Variants in CLIP3 observed in about 807,000 individuals in gnomAD.
CLIP3 encodes CAP-Gly domain-containing linker protein 3.
A neutral mutation model predicts 59.4 loss-of-function variants in CLIP3; 15 were observed. That is an observed-to-expected ratio of 0.25 (90% CI 0.17 to 0.39). The LOEUF (loss-of-function observed/expected upper bound fraction) is 0.39, where lower values mean the gene tolerates loss of function less well. CLIP3 is among the 10% of genes least tolerant of loss of function. The pLI is 1.00. For synonymous variants in CLIP3, 300 were observed against 321.6 expected, an observed-to-expected ratio of 0.93 and a Z score of 0.72; for missense variants, 495 against 765.7, an observed-to-expected ratio of 0.65 and a Z score of 4.17.
chr19:36,016,062 G>A lies in CLIP3; in HGVS notation c.*96C>T. 2 of 1,322,512 alleles carry A rather than the reference G, an allele frequency of 1.5e-6. No individual in the cohort carries two copies. Among genetic ancestry groups the A allele is most frequent in the South Asian group, 1.2e-5 (1 of 82,256 alleles). 81.9% of individuals were successfully genotyped at this position (1,322,512 alleles called of 1,614,324 possible). The stretch of plus-strand genomic sequence containing the variant: ...TAACAGGGGTCTCTACTCTGGATGT[G>A]TTACTGGGAATCTCTATCTCAGGGT... On this transcript the variant is annotated 3_prime_UTR_variant, in exon 14 of 14. Coordinates refer to ENST00000360535, the MANE Select transcript of CLIP3 (RefSeq NM_015526.3). The surrounding 1 kb of genome is among the most constrained non-coding windows in gnomAD (Gnocchi z 4.1).
At chr19:36,022,850 T>G (rs1363215176) in intron 7 of CLIP3, among the ~76,000 whole-genome samples, 1 of 151,802 alleles carries the variant, frequency 6.6e-6, no homozygotes, top group Non-Finnish European at 1.5e-5. Context: ...GGTCAGGAGA[T>G]CAAGACCATC....
At chr19:36,029,371 T>C (rs1373597625) in intron 2 of CLIP3, among the ~76,000 whole-genome samples, 1 of 151,246 alleles carries the variant, frequency 6.6e-6, no homozygotes, top group African/African-American at 2.4e-5. Flanking sequence ...ACTACAGCCT[T>C]GAACTCCTGG....
chr19:36,026,444 T>C lies in CLIP3; in HGVS notation c.562+142A>G, dbSNP rs922794469. Reference sequence around the variant, plus strand: ...CGACCCTCCCTAGAGTGGTAGTCCCTGAGCCCCCTCTCCCACGCCTCCAAC... The same window carrying C: ...CGACCCTCCCTAGAGTGGTAGTCCCCGAGCCCCCTCTCCCACGCCTCCAAC... On this transcript the variant is annotated intron_variant, in intron 5 of 13. Transcript: ENST00000360535. The surrounding 1 kb of genome is among the most constrained non-coding windows in gnomAD (Gnocchi z 6.3). The C allele has an allele frequency of 4.0e-5, 47 of 1,164,872 alleles. No individual in the cohort carries two copies. Among genetic ancestry groups the C allele is most frequent in the East Asian group, 2.7e-5 (1 of 37,274 alleles). The allele number at this position is 1,164,872 out of a possible 1,614,324, so 72.2% of individuals were successfully genotyped here. A position where few individuals can be genotyped will look rare whatever the true frequency, so the allele number is the denominator to read the frequency against.
chr19:36,030,645 T>C (rs560782085), intron 2 of CLIP3, among the ~76,000 whole-genome samples: 16 of 152,282 alleles, frequency 1.1e-4, no homozygotes, highest in Admixed American at 1.0e-3. Flanking sequence ...CACCCTCCCC[T>C]TGCCACTCTT....
chr19:36,019,614 T>A (rs558463796), intron 7 of CLIP3, among the ~76,000 whole-genome samples: 192 of 150,958 alleles, frequency 1.3e-3, no homozygotes, highest in African/African-American at 4.4e-3. Flanking sequence ...TTTATTTTTT[T>A]TTTTTTCGAG....
In CLIP3 at chr19:36,030,697, A is replaced by G. The variant is rs1231883137; in HGVS notation, c.166+1495T>C. Among the ~76,000 whole-genome samples, 3 of 152,324 alleles carry G rather than the reference A, an allele frequency of 2.0e-5. No homozygotes were observed. The East Asian group carries it at 5.8e-4, about 29-fold the overall frequency. On this transcript the variant is annotated intron_variant, in intron 2 of 13. Transcript: ENST00000360535. Reference sequence around the variant, plus strand: ...AGAATATAACCAAAGTCCTCACTGTAGCCTTGAAGGCCCTTCCAGATCTGG... The same window carrying G: ...AGAATATAACCAAAGTCCTCACTGTGGCCTTGAAGGCCCTTCCAGATCTGG...
intron 9 of CLIP3, among the ~76,000 whole-genome samples, chr19:36,018,406 C>G (rs1968858416): frequency 6.6e-6 from 1 of 152,050 alleles, no homozygotes; most frequent in African/African-American, 2.4e-5. Context: ...TGGCAAAACC[C>G]TGTCTCTACA....
chr19:36,017,538 G>A, intron 11 of CLIP3, 88 bp from the exon 12 acceptor site: 1 of 1,598,852 alleles, frequency 6.3e-7, no homozygotes, highest in African/African-American at 1.3e-5. Context: ...TATGAGGAAA[G>A]GGCTGGGGGC....
chr19:36,028,968 C>T (rs1414443374), intron 2 of CLIP3, among the ~76,000 whole-genome samples: 2 of 147,662 alleles, frequency 1.4e-5, no homozygotes, highest in East Asian at 2.0e-4. Flanking sequence ...CTGTCTAAAT[C>T]GGCACCCGCC....
chr19:36,018,572 ACT>A (rs908166421), intron 9 of CLIP3, among the ~76,000 whole-genome samples: 4 of 144,516 alleles, frequency 2.8e-5, no homozygotes, highest in African/African-American at 1.0e-4. Context: ...ACAAGGCGAG[ACT>A]CTTGACTCAA....
chr19:36,018,866 G>A (rs1418869092), intron 9 of CLIP3, 32 bp downstream of exon 9: 1 of 1,602,810 alleles, frequency 6.2e-7, no homozygotes, highest in Non-Finnish European at 8.5e-7. Context: ...CCCCAAACTG[G>A]CTCTTCCCAC....
In CLIP3 at chr19:36,017,836, C is replaced by A. The variant is rs1339519912; in HGVS notation, c.1327+12G>T. On this transcript the variant is annotated intron_variant, in intron 10 of 13. Transcript: ENST00000360535. Reference sequence around the variant, plus strand: ...CCCTGCCTGCCTCCCGGCCCAGAGTCCCCATCCTCACCTGGGGCAAAGTCT... The same window carrying A: ...CCCTGCCTGCCTCCCGGCCCAGAGTACCCATCCTCACCTGGGGCAAAGTCT... The A allele has an allele frequency of 6.2e-7, 1 of 1,614,044 alleles. No homozygotes were observed. Among genetic ancestry groups the A allele is most frequent in the African/African-American group, 1.3e-5 (1 of 74,898 alleles).
chr19:36,026,409 T>A lies in CLIP3; in HGVS notation c.563-144A>T, dbSNP rs1313065422. 1.6e-5 allele frequency: 12 copies of A among 765,232 alleles called. No individual in the cohort carries two copies. Among genetic ancestry groups the A allele is most frequent in the Non-Finnish European group, 1.9e-6 (1 of 519,810 alleles). 47.4% of individuals were successfully genotyped at this position (765,232 alleles called of 1,614,324 possible). ...CCCCACCTCGGAGCCCCCCTCTCCC[T>A]TGGCAGCCCCGACCCTCCCTAGAGT... On this transcript the variant is annotated intron_variant, in intron 5 of 13. Transcript: ENST00000360535. The surrounding 1 kb of genome is among the most constrained non-coding windows in gnomAD (Gnocchi z 6.3).
At chr19:36,031,004 TTTTC>T (rs1303857149) in intron 2 of CLIP3, among the ~76,000 whole-genome samples, 45 of 77,856 alleles carry the variant, frequency 5.8e-4, no homozygotes, top group African/African-American at 2.8e-3. Flanking sequence ...TCTTTTTTTC[TTTTC>T]TTTTTTTTTT....
rs186345002 is a variant in CLIP3, at chr19:36,019,238, G to A, written c.987C>T (p.Asp329=). 196 of 1,614,004 alleles carry A rather than the reference G, an allele frequency of 1.2e-4. 1 individual carries two copies. In the East Asian group the frequency reaches 2.5e-3, roughly 21 times the overall value. ...TGCCATCGTTCTTGCCCTCAGGTTC[G>A]TCCAGCTCCACGCCCACCCACTGGC... is the stretch of plus-strand genomic sequence containing the variant. The part of the protein sequence containing the change: ...ASGQWVGVEL[D]EPEGKNDGSV... Residue 329 remains aspartate (D), a synonymous_variant, in exon 8 of 14, where the codon GAC becomes GAT. Coordinates refer to ENST00000360535, the MANE Select transcript of CLIP3 (RefSeq NM_015526.3).
chr19:36,021,912 A>G (rs1968960786), intron 7 of CLIP3, among the ~76,000 whole-genome samples: 1 of 150,722 alleles, frequency 6.6e-6, no homozygotes, highest in Admixed American at 6.6e-5. Flanking sequence ...GGAGTCTCAC[A>G]CTTTGGCCCA....
intron 7 of CLIP3, among the ~76,000 whole-genome samples, chr19:36,019,710 C>T (rs961824108): frequency 1.3e-5 from 2 of 151,398 alleles, no homozygotes; most frequent in Non-Finnish European, 2.9e-5. Flanking sequence ...TCAAGCAATT[C>T]TCCCATCTCA....
At chr19:36,018,082 C>T (rs576915632) in intron 9 of CLIP3, 91 bp from the exon 10 acceptor site, 2 of 1,441,428 alleles carry the variant, frequency 1.4e-6, no homozygotes, top group African/African-American at 2.8e-5. Flanking sequence ...GTAGAAAACC[C>T]TGTTCTTCGT....
rs569508128 is a variant in CLIP3 at position 36,019,612 on chromosome 19, T to A, written c.919-306A>T. Among the ~76,000 whole-genome samples, 55 of 150,704 alleles carry A rather than the reference T, an allele frequency of 3.6e-4. 1 individual carries two copies. The highest frequency in any genetic ancestry group is 1.1e-3 in the African/African-American group (46 of 41,146). ...TTTATTTATTTATTTTATTTATTTT[T>A]TTTTTTTTCGAGACAGCGTCTCACT... On this transcript the variant is annotated intron_variant, in intron 7 of 13. Coordinates refer to ENST00000360535, the MANE Select transcript of CLIP3 (RefSeq NM_015526.3).
Sources: allele counts gnomAD v4.1 joint callset (sites outside exome capture counted in the v4.1 genomes callset), GRCh38; gene constraint gnomAD v4.1.1; non-coding constraint Gnocchi (gnomAD v3.1); transcripts MANE v1.5; gene names NCBI Gene and HGNC (gene_info 2026-07-23, HGNC 2026-07-21).